Variants in ZNF776 observed in about 807,000 individuals in gnomAD.
ZNF776 encodes zinc finger protein 776.
A neutral mutation model predicts 7.0 loss-of-function variants in ZNF776; 4 were observed. That is an observed-to-expected ratio of 0.57 (90% confidence interval 0.28 to 1.31). ZNF776 has a LOEUF of 1.31. ZNF776 is among the 50% of genes most tolerant of loss of function. ZNF776 has a pLI of 0.10. For synonymous variants in ZNF776, 212 were observed against 213.7 expected (o/e 0.99, Z 0.07); for missense variants, 555 against 625.9 (o/e 0.89, Z 1.21).
rs1986806373 is a variant in ZNF776, at chr19:57,757,337, G to A, written c.*2650G>A. 6.6e-6 allele frequency: 1 copy of A among 152,338 alleles called. No homozygotes were observed. The highest frequency in any genetic ancestry group is 2.4e-5 in the African/African-American group (1 of 41,398). 9.4% of individuals were successfully genotyped at this position (152,338 alleles called of 1,614,324 possible). ...GGTCATTGTCAGACTAAATCTAAAG[G>A]TTTTGTGGATTTCTGTAGCCTATCT... On this transcript the variant is annotated 3_prime_UTR_variant, in exon 3 of 3. Coordinates refer to ENST00000317178, the MANE Select transcript of ZNF776 (RefSeq NM_173632.4).
intron 2 of ZNF776, among the ~76,000 whole-genome samples, chr19:57,753,036 G>T (rs1298506828): frequency 6.6e-6 from 1 of 152,216 alleles, no homozygotes; most frequent in Non-Finnish European, 1.5e-5. Flanking sequence ...ATATTACTGG[G>T]TTAGAATGAT....
At position 57,754,833 on chromosome 19, in the gene ZNF776, G is replaced by A. The variant is rs1291713944; in HGVS notation, c.*146G>A. ...TCAACAATAGCAAGATCACACTGGG[G>A]AAAGGCTTTCTGAGTGTAGAGAATG... On this transcript the variant is annotated 3_prime_UTR_variant, in exon 3 of 3. Coordinates refer to ENST00000317178, the MANE Select transcript of ZNF776 (RefSeq NM_173632.4). 2.5e-5 allele frequency: 19 copies of A among 768,228 alleles called. No individual in the cohort carries two copies. Among genetic ancestry groups the A allele is most frequent in the Non-Finnish European group, 3.7e-5 (18 of 485,760 alleles). The allele number at this position is 768,228 out of a possible 1,614,324, so 47.6% of individuals were successfully genotyped here. A position where few individuals can be genotyped will look rare whatever the true frequency, so the allele number is the denominator to read the frequency against.
In ZNF776 at chr19:57,755,674, T is replaced by C. The variant is rs1986757074; in HGVS notation, c.*987T>C. 1 of 152,244 alleles carries C rather than the reference T, an allele frequency of 6.6e-6. No homozygotes were observed. The highest frequency in any genetic ancestry group is 6.5e-5 in the Admixed American group (1 of 15,284). The allele number at this position is 152,244 out of a possible 1,614,324, so 9.4% of individuals were successfully genotyped here. ...CCTATATTGAATGTCATATGTCCAG[T>C]AGCTGCATAAATTCCAGGTATATGG... On this transcript the variant is annotated 3_prime_UTR_variant, in exon 3 of 3. Coordinates refer to ENST00000317178, the MANE Select transcript of ZNF776 (RefSeq NM_173632.4).
At position 57,750,269 on chromosome 19, in the gene ZNF776, C is replaced by CAA. The variant is rs879451114; in HGVS notation, c.34-502_34-501dup. ...TGAAACCTTCTCTCTACCAAAAATA[C>CAA]AAAAAAAAAAAAAAATTAGCCGGCA... On this transcript the variant is annotated intron_variant, in intron 1 of 2. Transcript: ENST00000317178. Among the ~76,000 whole-genome samples, 4 of 117,146 alleles carry CAA rather than the reference C, an allele frequency of 3.4e-5. 1 individual carries two copies. The East Asian group carries it at 7.1e-4, about 21-fold the overall frequency. The allele number at this position is 117,146 out of a possible 152,430, so 76.9% of individuals were successfully genotyped here. A position where few individuals can be genotyped will look rare whatever the true frequency, so the allele number is the denominator to read the frequency against.
At chr19:57,751,038 G>A (rs1299059128) in intron 2 of ZNF776, 127 bp downstream of exon 2, 2 of 1,183,080 alleles carry the variant, frequency 1.7e-6, no homozygotes, top group African/African-American at 3.1e-5. Flanking sequence ...TAGTTCCCTG[G>A]GTAGGTTCTA....
chr19:57,752,947 G>A (rs376881156), intron 2 of ZNF776, among the ~76,000 whole-genome samples: 2 of 152,226 alleles, frequency 1.3e-5, no homozygotes, highest in East Asian at 1.9e-4. Flanking sequence ...ACAAACAAGT[G>A]TATCTAACAG....
Position 57,753,487 on chromosome 19 carries a change from T to G in ZNF776, c.357T>G (p.Tyr119Ter), listed in dbSNP as rs1247378227. The G allele has an allele frequency of 6.2e-7, 1 of 1,613,846 alleles. No homozygotes were observed. Among genetic ancestry groups the G allele is most frequent in the East Asian group, 2.2e-5 (1 of 44,886 alleles). ...HNQKLNGFGA[Y>*]EKKLDDDANH... ...AGAAATTGAATGGGTTTGGGGCATA[T>G]GAAAAAAAATTGGATGACGATGCAA... The change falls in exon 3 of 3, where the codon TAT becomes TAG. Residue 119 changes from tyrosine (Y) to a stop codon, truncating the protein, a stop_gained. Coordinates refer to ENST00000317178, the MANE Select transcript of ZNF776 (RefSeq NM_173632.4). LOFTEE classifies it low-confidence loss of function (END_TRUNC).
Position 57,753,740 on chromosome 19 carries a change from G to A in ZNF776, c.610G>A (p.Gly204Arg). The change falls in exon 3 of 3, where the codon GGA becomes AGA. Residue 204 changes from glycine (G) to arginine (R), a missense_variant. Transcript: ENST00000317178. The part of the protein sequence containing the change: ...ETKHGIPLQG[G>R]KTHYICGEST... ...TAAGCATGGGATACCCCTTCAGGGT[G>A]GAAAAACTCATTACATCTGTGGAGA... 6.2e-7 allele frequency: 1 copy of A among 1,614,202 alleles called. No homozygotes were observed. Among genetic ancestry groups the A allele is most frequent in the Non-Finnish European group, 8.5e-7 (1 of 1,180,042 alleles).
chr19:57,754,562 C>G lies in ZNF776; in HGVS notation c.1432C>G (p.His478Asp), dbSNP rs978938382. ...TCATCAAAAGGGCAGTCTCATTCGA[C>G]ATCAGCAGATTCACTCTGGAGAAAG... is the stretch of plus-strand genomic sequence containing the variant. The part of the protein sequence containing the change: ...CFHQKGSLIR[H>D]QQIHSGERPH... The change falls in exon 3 of 3, where the codon CAT becomes GAT. Residue 478 changes from histidine (H) to aspartate (D), a missense_variant. Transcript: ENST00000317178. 6.2e-6 allele frequency: 10 copies of G among 1,614,090 alleles called. No homozygotes were observed. Among genetic ancestry groups the G allele is most frequent in the Non-Finnish European group, 8.5e-6 (10 of 1,180,052 alleles).
rs926390127 is a variant in ZNF776 at position 57,755,315 on chromosome 19, C to A, written c.*628C>A. ...GACATTCACTAGAAGCTCTGCCCTG[C>A]AAGTTCACACTAGAGAAAGCCCTTC... On this transcript the variant is annotated 3_prime_UTR_variant, in exon 3 of 3. Transcript: ENST00000317178. 2 of 152,484 alleles carry A rather than the reference C, an allele frequency of 1.3e-5. No homozygotes were observed. Among genetic ancestry groups the A allele is most frequent in the Admixed American group, 6.5e-5 (1 of 15,322 alleles). The allele number at this position is 152,484 out of a possible 1,614,324, so 9.4% of individuals were successfully genotyped here. A position where few individuals can be genotyped will look rare whatever the true frequency, so the allele number is the denominator to read the frequency against.
rs374595080 is a variant in ZNF776 at position 57,750,896 on chromosome 19, C to T, written c.145C>T (p.Leu49Phe). 2 of 1,610,500 alleles carry T rather than the reference C, an allele frequency of 1.2e-6. No homozygotes were observed. Among genetic ancestry groups the T allele is most frequent in the Non-Finnish European group, 1.7e-6 (2 of 1,177,984 alleles). ...YHDVMLENLT[L>F]ISSLGCWYGA... ...TGACGTGATGCTGGAGAACCTGACA[C>T]TTATATCTTCTCTAGGTAAGGCACT... is the stretch of plus-strand genomic sequence containing the variant. Residue 49 changes from leucine (L) to phenylalanine (F), a missense_variant, in exon 2 of 3, where the codon CTT becomes TTT. Transcript: ENST00000317178.
Position 57,747,073 on chromosome 19 carries a change from G to T in ZNF776, c.15G>T (p.Ala5=). ...CACCCAGTCGGATGGCGGCGGCCGCGCTGAGGCCCCCGGCTCAGGTAATTG... is the reference window on the plus strand; with the variant it reads ...CACCCAGTCGGATGGCGGCGGCCGCTCTGAGGCCCCCGGCTCAGGTAATTG... MAAA[A]LRPPAQGTVT... is the part of the protein sequence containing the mutation. The change falls in exon 1 of 3, where the codon GCG becomes GCT. Residue 5 remains alanine (A), a synonymous_variant. Coordinates refer to ENST00000317178, the MANE Select transcript of ZNF776 (RefSeq NM_173632.4). The T allele has an allele frequency of 6.3e-7, 1 of 1,589,964 alleles. No homozygotes were observed. Among genetic ancestry groups the T allele is most frequent in the Non-Finnish European group, 8.6e-7 (1 of 1,168,366 alleles).
At position 57,753,344 on chromosome 19, in the gene ZNF776, C is replaced by A. The variant is rs752331564; in HGVS notation, c.214C>A (p.Gln72Lys). ...ETPSKQTLSI[Q>K]QESPLRTHWT... ...ACCTTCTAAGCAGACCCTTTCTATA[C>A]AACAGGAGTCCCCACTCAGGACACA... Residue 72 changes from glutamine (Q) to lysine (K), a missense_variant, in exon 3 of 3, where the codon CAA becomes AAA. Transcript: ENST00000317178. 6.2e-6 allele frequency: 10 copies of A among 1,614,058 alleles called. No homozygotes were observed. Among genetic ancestry groups the A allele is most frequent in the African/African-American group, 1.3e-5 (1 of 74,928 alleles).
chr19:57,748,773 A>G (rs1258063799), intron 1 of ZNF776, among the ~76,000 whole-genome samples: 1 of 152,140 alleles, frequency 6.6e-6, no homozygotes, highest in African/African-American at 2.4e-5. Context: ...AGATATATGC[A>G]GAAGTGTAGT....
In ZNF776 at chr19:57,751,868, G is replaced by GTTTTTTTTTTTTT. The variant is rs768825787; in HGVS notation, c.160+967_160+979dup. ...TTTGTTCATTTGTATTTTTGGTTTT[G>GTTTTTTTTTTTTT]TTTTTTTTTTTTTTTTTTTTTTGAG... On this transcript the variant is annotated intron_variant, in intron 2 of 2. Coordinates refer to ENST00000317178, the MANE Select transcript of ZNF776 (RefSeq NM_173632.4). Among the ~76,000 whole-genome samples, 11 of 67,526 alleles carry GTTTTTTTTTTTTT rather than the reference G, an allele frequency of 1.6e-4. 3 individuals are homozygous for GTTTTTTTTTTTTT. The highest frequency in any genetic ancestry group is 1.4e-3 in the South Asian group (2 of 1,466). The allele number at this position is 67,526 out of a possible 152,430, so 44.3% of individuals were successfully genotyped here. A position where few individuals can be genotyped will look rare whatever the true frequency, so the allele number is the denominator to read the frequency against.
intron 1 of ZNF776, chr19:57,749,043 AT>A (rs1422428047): frequency 6.6e-6 from 1 of 151,774 alleles, no homozygotes; most frequent in Non-Finnish European, 1.5e-5. Context: ...ATCTTGGCTC[AT>A]TACAACCTCC....
In ZNF776 at chr19:57,756,966, C is replaced by A; in HGVS notation, c.*2279C>A. ...CTCCTGGGCTCAAGTGATCCTCCTG[C>A]CTCAGCCTCCCGAGTACCTGAGATT... On this transcript the variant is annotated 3_prime_UTR_variant, in exon 3 of 3. Transcript: ENST00000317178. 2.5e-6 allele frequency: 1 copy of A among 406,560 alleles called. No individual in the cohort carries two copies. The allele number at this position is 406,560 out of a possible 1,614,324, so 25.2% of individuals were successfully genotyped here.
In ZNF776 at chr19:57,746,929, C is replaced by G. The variant is rs1986447943; in HGVS notation, c.-130C>G. 8.7e-6 allele frequency: 8 copies of G among 915,640 alleles called. No individual in the cohort carries two copies. Among genetic ancestry groups the G allele is most frequent in the Non-Finnish European group, 1.3e-5 (8 of 615,726 alleles). 56.7% of individuals were successfully genotyped at this position (915,640 alleles called of 1,614,324 possible). On this transcript the variant is annotated 5_prime_UTR_variant, in exon 1 of 3. Transcript: ENST00000317178. The stretch of plus-strand genomic sequence containing the variant: ...GAGACGAGACGTTGTCCCGACTGCA[C>G]AGAGGCTGCTCTGCAGCTCCTTAAA...
chr19:57,757,197 T>C lies in ZNF776; in HGVS notation c.*2510T>C, dbSNP rs1329803267. 1 of 161,200 alleles carries C rather than the reference T, an allele frequency of 6.2e-6. No homozygotes were observed. Among genetic ancestry groups the C allele is most frequent in the Admixed American group, 6.3e-5 (1 of 15,772 alleles). The allele number at this position is 161,200 out of a possible 1,614,324, so 10.0% of individuals were successfully genotyped here. ...GTGAAGCAGACTGCAACAGAATAGT[T>C]GGGATATACTTTTTTTAAAAAGGCA... is the stretch of plus-strand genomic sequence containing the variant. On this transcript the variant is annotated 3_prime_UTR_variant, in exon 3 of 3. Coordinates refer to ENST00000317178, the MANE Select transcript of ZNF776 (RefSeq NM_173632.4).
Sources: gnomAD v4.1 joint callset for allele counts (sites outside exome capture counted in the v4.1 genomes callset) on GRCh38, gnomAD v4.1.1 for gene constraint, MANE v1.5 for transcripts, NCBI Gene and HGNC (gene_info 2026-07-23, HGNC 2026-07-21) for gene names.